FARSB: variants seen among roughly 807,000 people sequenced by gnomAD.
The protein encoded by FARSB is phenylalanine--tRNA ligase beta subunit.
Under a neutral mutation model 69.6 loss-of-function variants are expected in FARSB, and 40 were observed. The ratio of observed to expected loss-of-function variants is 0.57; its 90% CI spans 0.45 to 0.75. The LOEUF (loss-of-function observed/expected upper bound fraction) is 0.75, where lower values mean the gene tolerates loss of function less well. Ranked by LOEUF, FARSB falls within the 30% of genes least tolerant of loss-of-function variation. FARSB has a pLI of 0.00. For missense variants in FARSB, 632 were observed against 722.9 expected (o/e 0.87, Z 1.44); for synonymous variants, 235 against 247.2 (o/e 0.95, Z 0.46).
At chr2:222,602,966 T>A (rs1309700833) in intron 15 of FARSB, among the ~76,000 whole-genome samples, 1 of 152,056 alleles carries the variant, frequency 6.6e-6, no homozygotes, top group African/African-American at 2.4e-5. Context: ...TATTGATTTC[T>A]GAAAATTAAT....
chr2:222,579,392 G>T (rs1389064342), intron 16 of FARSB, among the ~76,000 whole-genome samples: 2 of 152,208 alleles, frequency 1.3e-5, no homozygotes, highest in African/African-American at 2.4e-5. Context: ...CCCAAGTAGG[G>T]TCTGTAATAT....
intron 13 of FARSB, among the ~76,000 whole-genome samples, chr2:222,621,647 C>G (rs1370039524): frequency 6.6e-6 from 1 of 152,148 alleles, no homozygotes; most frequent in East Asian, 1.9e-4. Flanking sequence ...CATAAGCCAA[C>G]TTAAAAGTGA....
chr2:222,625,377 T>A (rs755265270), intron 10 of FARSB, among the ~76,000 whole-genome samples: 1 of 152,234 alleles, frequency 6.6e-6, no homozygotes, highest in Non-Finnish European at 1.5e-5. Flanking sequence ...GAATATTTCT[T>A]ATCACTCATT....
At chr2:222,631,906 C>A (rs962231331) in intron 7 of FARSB, among the ~76,000 whole-genome samples, 1 of 152,208 alleles carries the variant, frequency 6.6e-6, no homozygotes, top group Admixed American at 6.5e-5. Context: ...AACCCCTTCT[C>A]TACTAAAAAT....
At chr2:222,594,816 T>G (rs1690368025) in intron 16 of FARSB, among the ~76,000 whole-genome samples, 1 of 152,108 alleles carries the variant, frequency 6.6e-6, no homozygotes, top group Admixed American at 6.5e-5. Context: ...TAAGTGAACA[T>G]GAGTGGAGAG....
chr2:222,632,226 A>C (rs1429884165), intron 7 of FARSB, among the ~76,000 whole-genome samples: 1 of 152,274 alleles, frequency 6.6e-6, no homozygotes, highest in Non-Finnish European at 1.5e-5. Flanking sequence ...GAATAAAAAT[A>C]AAATAATTAA....
chr2:222,647,957 C>G (rs896308938), intron 2 of FARSB, among the ~76,000 whole-genome samples: 3 of 152,150 alleles, frequency 2.0e-5, no homozygotes, highest in African/African-American at 7.2e-5. Flanking sequence ...GTTTCTGGTT[C>G]AGTAGGGCTG....
rs1393429913 is a variant in FARSB at position 222,613,945 on chromosome 2, G to A, written c.1345-17C>T. The stretch of plus-strand genomic sequence containing the variant: ...GCGTGCCACCTACAGGAAAAGACAT[G>A]AAATTGCACTGACCAAATAGGACCC... On this transcript the variant is annotated splice_polypyrimidine_tract_variant and intron_variant, in intron 14 of 16. Transcript: ENST00000281828. 2.0e-6 allele frequency: 3 copies of A among 1,506,222 alleles called. No individual in the cohort carries two copies. The East Asian group carries it at 6.8e-5, about 34-fold the overall frequency. The allele number at this position is 1,506,222 out of a possible 1,614,324, so 93.3% of individuals were successfully genotyped here. A position where few individuals can be genotyped will look rare whatever the true frequency, so the allele number is the denominator to read the frequency against.
intron 6 of FARSB, among the ~76,000 whole-genome samples, chr2:222,633,698 A>G (rs1407915953): frequency 6.6e-6 from 1 of 151,802 alleles, no homozygotes; most frequent in African/African-American, 2.4e-5. Context: ...AAAAAAAAAA[A>G]AAAAAGGAGG....
In FARSB at chr2:222,568,341, A is replaced by C. The variant is rs1481210801; in HGVS notation, c.*3530T>G. The stretch of plus-strand genomic sequence containing the variant: ...ATTATTTACTTTCGCATAAATAAGT[A>C]AATAATGCAAATCAGTGAGTGGTCT... On this transcript the variant is annotated 3_prime_UTR_variant, in exon 17 of 17. Coordinates refer to ENST00000281828, the MANE Select transcript of FARSB (RefSeq NM_005687.5). This position sits in a 1 kb window ranked among gnomAD's most constrained non-coding sequence, Gnocchi z 4.3. 1 of 152,174 alleles carries C rather than the reference A, an allele frequency of 6.6e-6. No homozygotes were observed. The highest frequency in any genetic ancestry group is 2.4e-5 in the African/African-American group (1 of 41,434). 9.4% of individuals were successfully genotyped at this position (152,174 alleles called of 1,614,324 possible).
intron 1 of FARSB, among the ~76,000 whole-genome samples, chr2:222,649,643 C>T (rs746012586): frequency 6.6e-6 from 1 of 152,186 alleles, no homozygotes; most frequent in Non-Finnish European, 1.5e-5. Flanking sequence ...ATTTCACAGC[C>T]ATTATGGCAT....
intron 3 of FARSB, among the ~76,000 whole-genome samples, chr2:222,642,609 A>G (rs539644166): frequency 1.3e-5 from 2 of 152,352 alleles, no homozygotes; most frequent in South Asian, 4.1e-4. Flanking sequence ...CCATAAAAGC[A>G]TTAAACACCA....
At chr2:222,597,125 G>A (rs1020287579) in intron 16 of FARSB, among the ~76,000 whole-genome samples, 1 of 152,110 alleles carries the variant, frequency 6.6e-6, no homozygotes, top group Non-Finnish European at 1.5e-5. Flanking sequence ...TGGTGATAGG[G>A]GGTGAAAGTA....
At chr2:222,637,037 A>T (rs779544252) in intron 5 of FARSB, among the ~76,000 whole-genome samples, 5 of 152,240 alleles carry the variant, frequency 3.3e-5, no homozygotes, top group Admixed American at 6.5e-5. Flanking sequence ...AAATATCTGC[A>T]GAAAAGAAGG....
At chr2:222,606,135 C>T (rs1175267256) in intron 15 of FARSB, among the ~76,000 whole-genome samples, 1 of 152,156 alleles carries the variant, frequency 6.6e-6, no homozygotes, top group East Asian at 1.9e-4. Flanking sequence ...GGCGCCCCCT[C>T]CCAACTCCAC....
chr2:222,580,859 G>A (rs62188507), intron 16 of FARSB, among the ~76,000 whole-genome samples: 40,106 of 151,970 alleles, frequency 0.26, 5,667 homozygotes, highest in Middle Eastern at 0.44. Flanking sequence ...ATAGTGACTC[G>A]GAAGGGGGAA....
chr2:222,579,658 C>T (rs1408334751), intron 16 of FARSB, among the ~76,000 whole-genome samples: 2 of 152,140 alleles, frequency 1.3e-5, no homozygotes, highest in African/African-American at 2.4e-5. Context: ...TAGAAATGAC[C>T]TTGGAAGCAA....
At chr2:222,617,497 T>C (rs1691028008) in intron 14 of FARSB, among the ~76,000 whole-genome samples, 1 of 152,196 alleles carries the variant, frequency 6.6e-6, no homozygotes, top group Non-Finnish European at 1.5e-5. Flanking sequence ...TGCTCACTAC[T>C]GGGTGACGGG....
chr2:222,643,036 T>C (rs775166113), intron 2 of FARSB, 31 bp from the exon 3 acceptor site: 10 of 1,371,942 alleles, frequency 7.3e-6, no homozygotes. Flanking sequence ...ATGATAAAAA[T>C]TAAATAATTT....
Sources: gnomAD v4.1 joint callset for allele counts (sites outside exome capture counted in the v4.1 genomes callset) on GRCh38, gnomAD v4.1.1 for gene constraint, Gnocchi (gnomAD v3.1) non-coding constraint, MANE v1.5 for transcripts, NCBI Gene and HGNC (gene_info 2026-07-23, HGNC 2026-07-21) for gene names.